The following CTNNA3 variants were observed in gnomAD, a reference collection of about 807,000 sequenced individuals.
CTNNA3 encodes catenin alpha 3.
In CTNNA3, 76 loss-of-function variants were observed where a neutral mutation model predicts 95.7. The ratio of observed to expected loss-of-function variants is 0.79; its 90% CI spans 0.66 to 0.96. The LOEUF is 0.96. CTNNA3 is among the 40% of genes least tolerant of loss of function. The pLI is 0.00. For synonymous variants in CTNNA3, 431 were observed against 374.4 expected (o/e 1.15, Z -1.74); for missense variants, 1,191 against 1,089.8 (o/e 1.09, Z -1.31).
intron 14 of CTNNA3, among the ~76,000 whole-genome samples, chr10:66,090,740 C>A (rs1206961840): frequency 3.3e-5 from 5 of 151,904 alleles, no homozygotes; most frequent in African/African-American, 1.2e-4. Flanking sequence ...ACTTTACACT[C>A]AAGGAAATGC....
At chr10:67,380,077 G>A (rs934005408) in intron 5 of CTNNA3, among the ~76,000 whole-genome samples, 4 of 149,990 alleles carry the variant, frequency 2.7e-5, no homozygotes, top group African/African-American at 9.8e-5. Flanking sequence ...AACACTTACA[G>A]TAGGGGCATT....
intron 2 of CTNNA3, among the ~76,000 whole-genome samples, chr10:67,620,466 G>A (rs112772164): frequency 6.6e-6 from 1 of 152,180 alleles, no homozygotes; most frequent in African/African-American, 2.4e-5. Flanking sequence ...AAAAGACTGA[G>A]CATTTACCAA....
intron 15 of CTNNA3, among the ~76,000 whole-genome samples, chr10:66,028,079 C>T (rs10996838): frequency 0.12 from 18,793 of 152,078 alleles, 1,300 homozygotes; most frequent in Non-Finnish European, 0.15. Context: ...GAACAGCGAT[C>T]CAAGCATTAC....
At chr10:66,121,928 T>C in intron 13 of CTNNA3, among the ~76,000 whole-genome samples, 1 of 152,214 alleles carries the variant, frequency 6.6e-6, no homozygotes, top group East Asian at 1.9e-4. Flanking sequence ...ACAAAAGATG[T>C]TCATGGTTTC....
intron 7 of CTNNA3, among the ~76,000 whole-genome samples, chr10:66,930,663 A>G (rs1428965336): frequency 6.6e-6 from 1 of 152,182 alleles, no homozygotes; most frequent in Non-Finnish European, 1.5e-5. Context: ...CTACTAGTAT[A>G]TATAAAATAT....
intron 5 of CTNNA3, among the ~76,000 whole-genome samples, chr10:67,402,232 C>T (rs1423326930): frequency 1.3e-5 from 2 of 152,198 alleles, no homozygotes; most frequent in Non-Finnish European, 2.9e-5. Flanking sequence ...GTGAAATTCT[C>T]ACTTAAAGAG....
At chr10:67,183,167 G>C (rs1862650648) in intron 6 of CTNNA3, among the ~76,000 whole-genome samples, 1 of 152,210 alleles carries the variant, frequency 6.6e-6, no homozygotes, top group Admixed American at 6.5e-5. Flanking sequence ...AATACCATTT[G>C]ACCCAGCCAT....
chr10:67,574,216 T>C (rs969898221), intron 3 of CTNNA3, among the ~76,000 whole-genome samples: 1 of 152,218 alleles, frequency 6.6e-6, no homozygotes, highest in Admixed American at 6.5e-5. Context: ...GGTTTGATTT[T>C]AGATCTTCTG....
At chr10:66,130,696 G>T (rs541555032) in intron 13 of CTNNA3, among the ~76,000 whole-genome samples, 1 of 151,018 alleles carries the variant, frequency 6.6e-6, no homozygotes, top group South Asian at 2.1e-4. Flanking sequence ...TACAAAAAAC[G>T]AGCCAAAAAA....
intron 12 of CTNNA3, among the ~76,000 whole-genome samples, chr10:66,355,439 C>T (rs2092601330): frequency 6.6e-6 from 1 of 151,956 alleles, no homozygotes; most frequent in South Asian, 2.1e-4. Flanking sequence ...CATTATAAAC[C>T]CTCCACGAAT....
intron 7 of CTNNA3, among the ~76,000 whole-genome samples, chr10:67,135,917 A>C (rs2132030529): frequency 6.6e-6 from 1 of 152,374 alleles, no homozygotes; most frequent in South Asian, 2.1e-4. Context: ...GAACCACTTA[A>C]GAAGCAAAGC....
At chr10:67,587,709 T>C (rs147337265) in intron 3 of CTNNA3, among the ~76,000 whole-genome samples, 1 of 152,184 alleles carries the variant, frequency 6.6e-6, no homozygotes, top group African/African-American at 2.4e-5. Context: ...TTGTATTTAT[T>C]TGGGGATCAC....
At chr10:65,990,096 T>TACAC (rs377426492) in intron 15 of CTNNA3, among the ~76,000 whole-genome samples, 4,696 of 147,440 alleles carry the variant, frequency 0.032, 254 homozygotes, top group African/African-American at 0.11. Flanking sequence ...TGTGTGTGTA[T>TACAC]ACACACACAC....
At chr10:66,410,599 C>T (rs533392734) in intron 11 of CTNNA3, among the ~76,000 whole-genome samples, 10 of 152,214 alleles carry the variant, frequency 6.6e-5, no homozygotes, top group East Asian at 3.9e-4. Flanking sequence ...TACTGATTGC[C>T]CCCCACTCCT....
intron 12 of CTNNA3, among the ~76,000 whole-genome samples, chr10:66,331,785 G>C (rs1438568950): frequency 6.6e-6 from 1 of 151,648 alleles, no homozygotes; most frequent in Non-Finnish European, 1.5e-5. Flanking sequence ...GGCAATGCGG[G>C]CTCTTTTTTG....
chr10:66,827,641 T>C (rs1451084922), intron 7 of CTNNA3, among the ~76,000 whole-genome samples: 1 of 152,210 alleles, frequency 6.6e-6, no homozygotes, highest in Non-Finnish European at 1.5e-5. Context: ...TTCCTCATAT[T>C]TCAAATGGCA....
intron 1 of CTNNA3, among the ~76,000 whole-genome samples, chr10:67,746,754 C>T (rs1467864843): frequency 1.3e-5 from 2 of 152,208 alleles, no homozygotes; most frequent in African/African-American, 4.8e-5. Flanking sequence ...AACCACAGAG[C>T]TGTGCAGATT....
At chr10:67,479,027 G>A (rs993750943) in intron 5 of CTNNA3, among the ~76,000 whole-genome samples, 6 of 152,048 alleles carry the variant, frequency 3.9e-5, no homozygotes, top group South Asian at 2.1e-4. Flanking sequence ...ATTACACAAC[G>A]ATAAAAGGTT....
At chr10:66,237,547 A>T (rs2089913911) in intron 13 of CTNNA3, among the ~76,000 whole-genome samples, 1 of 141,930 alleles carries the variant, frequency 7.0e-6, no homozygotes, top group Non-Finnish European at 1.5e-5. Flanking sequence ...CACCAAGTAC[A>T]TAATAGAGTT....
Sources: allele counts gnomAD v4.1 joint callset (sites outside exome capture counted in the v4.1 genomes callset), GRCh38; gene constraint gnomAD v4.1.1; transcripts MANE v1.5; gene names NCBI Gene and HGNC (gene_info 2026-07-23, HGNC 2026-07-21).